The following GAPVD1 variants were observed in gnomAD, a reference collection of about 807,000 sequenced individuals.
GAPVD1 encodes GTPase activating protein and VPS9 domains 1.
A neutral mutation model predicts 155.5 loss-of-function variants in GAPVD1; 35 were observed. The ratio of observed to expected loss-of-function variants is 0.23; its 90% CI spans 0.17 to 0.30. The LOEUF (loss-of-function observed/expected upper bound fraction) is 0.30. Ranked by LOEUF, GAPVD1 falls within the 10% of genes least tolerant of loss-of-function variation. The probability of loss-of-function intolerance (pLI) is 1.00; values close to 1 mark genes in which losing one functional copy is unlikely to be tolerated. For missense variants in GAPVD1, 1,429 were observed against 1,775.7 expected (o/e 0.80, Z 3.51); for synonymous variants, 636 against 619.7 (o/e 1.03, Z -0.39).
chr9:125,337,353 C>G lies in GAPVD1; in HGVS notation c.2639C>G (p.Thr880Ser). Reference sequence around the variant, plus strand: ...CCAAACTTTGGTTCCCATGTTTTAACTCCAGCTGAAATGGAGGCATTCAAG... The same window carrying G: ...CCAAACTTTGGTTCCCATGTTTTAAGTCCAGCTGAAATGGAGGCATTCAAG... ...RLPNFGSHVLTPAEMEAFKQR... is the reference protein window; with the variant it reads ...RLPNFGSHVLSPAEMEAFKQR... The change falls in exon 17 of 28, where the codon ACT becomes AGT. Residue 880 changes from threonine to serine, a missense_variant. Physicochemically the swap from Thr to Ser is moderately conservative, Grantham distance 58. Coordinates refer to ENST00000297933, the MANE Select transcript of GAPVD1 (RefSeq NM_001282680.3). The G allele has an allele frequency of 1.2e-6, 2 of 1,614,184 alleles. No individual in the cohort carries two copies. The highest frequency in any genetic ancestry group is 1.7e-6 in the Non-Finnish European group (2 of 1,180,048).
chr9:125,311,509 T>C (rs1233929387), intron 8 of GAPVD1, among the ~76,000 whole-genome samples: 1 of 152,032 alleles, frequency 6.6e-6, no homozygotes, highest in Non-Finnish European at 1.5e-5. Context: ...TAATCCCAGC[T>C]ACTTGGGAGG....
chr9:125,269,740 C>T lies in GAPVD1; in HGVS notation c.-150+756C>T, dbSNP rs374658005. Among the ~76,000 whole-genome samples the T allele has an allele frequency of 6.0e-3, 585 of 96,994 alleles. 6 individuals are homozygous for T. The highest frequency in any genetic ancestry group is 0.025 in the African/African-American group (571 of 22,634). 63.6% of individuals were successfully genotyped at this position (96,994 alleles called of 152,430 possible). A position where few individuals can be genotyped will look rare whatever the true frequency, so the allele number is the denominator to read the frequency against. On this transcript the variant is annotated intron_variant, in intron 2 of 27. Transcript: ENST00000297933. The stretch of plus-strand genomic sequence containing the variant: ...TTTTTTTTTTTTTTTTTTTTGGAGG[C>T]AGAGTCTCACTCTGTTGCCCAGGCT...
intron 2 of GAPVD1, among the ~76,000 whole-genome samples, chr9:125,293,891 T>A (rs1304348942): frequency 5.4e-5 from 6 of 110,098 alleles, no homozygotes; most frequent in African/African-American, 2.1e-4. Flanking sequence ...TATATATATA[T>A]ATATATATAT....
chr9:125,293,845 ATATAT>A (rs1839157661), intron 2 of GAPVD1, among the ~76,000 whole-genome samples: 1 of 51,122 alleles, frequency 2.0e-5, no homozygotes, highest in South Asian at 6.4e-4. Context: ...ATATATAAAA[ATATAT>A]TTTATATATA....
chr9:125,334,640 C>T (rs1415894358), intron 15 of GAPVD1, among the ~76,000 whole-genome samples: 1 of 152,060 alleles, frequency 6.6e-6, no homozygotes, highest in African/African-American at 2.4e-5. Context: ...TGGCTCACAC[C>T]TGTGATCCCA....
intron 23 of GAPVD1, among the ~76,000 whole-genome samples, chr9:125,351,867 A>G (rs369304655): frequency 1.8e-4 from 28 of 152,072 alleles, no homozygotes; most frequent in East Asian, 1.5e-3. Context: ...CAGCCTCCCA[A>G]GTAGCTGGGA....
rs1291084840 is a variant in GAPVD1, at chr9:125,312,519, A to G, written c.1509A>G (p.Gln503=). The part of the protein sequence containing the change: ...DLHMDHEGSS[Q]ETIQEVQPEE... Reference sequence around the variant, plus strand: ...ATATGGACCATGAAGGATCATCTCAAGAAACCATTCAGGAGGTGCAACCAG... The same window carrying G: ...ATATGGACCATGAAGGATCATCTCAGGAAACCATTCAGGAGGTGCAACCAG... The change falls in exon 9 of 28, where the codon CAA becomes CAG. Residue 503 remains glutamine (Q), a synonymous_variant. Coordinates refer to ENST00000297933, the MANE Select transcript of GAPVD1 (RefSeq NM_001282680.3). 6.2e-7 allele frequency: 1 copy of G among 1,610,846 alleles called. No individual in the cohort carries two copies. The highest frequency in any genetic ancestry group is 1.3e-5 in the African/African-American group (1 of 74,802).
rs1353455633 is a variant in GAPVD1, at chr9:125,359,400, G to C, written c.3972-20G>C. 1 of 1,431,030 alleles carries C rather than the reference G, an allele frequency of 7.0e-7. No individual in the cohort carries two copies. Among genetic ancestry groups the C allele is most frequent in the Non-Finnish European group, 9.8e-7 (1 of 1,015,418 alleles). 88.6% of individuals were successfully genotyped at this position (1,431,030 alleles called of 1,614,324 possible). A position where few individuals can be genotyped will look rare whatever the true frequency, so the allele number is the denominator to read the frequency against. On this transcript the variant is annotated intron_variant, in intron 25 of 27. Transcript: ENST00000297933. ...TTTTCTGAAATGAATGTTTACATGTGTATTTTGGGGGGTTTTCAGGGTTCT... is the reference window on the plus strand; with the variant it reads ...TTTTCTGAAATGAATGTTTACATGTCTATTTTGGGGGGTTTTCAGGGTTCT...
chr9:125,316,150 A>G (rs1843390729), intron 9 of GAPVD1, among the ~76,000 whole-genome samples: 1 of 152,216 alleles, frequency 6.6e-6, no homozygotes, highest in South Asian at 2.1e-4. Flanking sequence ...GGTTAAGGGT[A>G]TATAATCTGA....
In GAPVD1 at chr9:125,311,734, T is replaced by C. The variant is rs2131228873; in HGVS notation, c.1442-718T>C. Among the ~76,000 whole-genome samples, 2 of 152,196 alleles carry C rather than the reference T, an allele frequency of 1.3e-5. 1 individual carries two copies. The highest frequency in any genetic ancestry group is 4.1e-4 in the South Asian group (2 of 4,826). On this transcript the variant is annotated intron_variant, in intron 8 of 27. Coordinates refer to ENST00000297933, the MANE Select transcript of GAPVD1 (RefSeq NM_001282680.3). Reference sequence around the variant, plus strand: ...TTTTCTTTATTGTTTCTTTTTTTTTTTTTGAGATGGAGTCTCACTCTGATG... The same window carrying C: ...TTTTCTTTATTGTTTCTTTTTTTTTCTTTGAGATGGAGTCTCACTCTGATG...
At chr9:125,312,189 T>C (rs537270741) in intron 8 of GAPVD1, among the ~76,000 whole-genome samples, 1 of 152,342 alleles carries the variant, frequency 6.6e-6, no homozygotes, top group African/African-American at 2.4e-5. Flanking sequence ...GCAGATGTGA[T>C]CATCTGTGTG....
intron 1 of GAPVD1, among the ~76,000 whole-genome samples, chr9:125,264,425 C>T (rs1307982625): frequency 1.3e-5 from 2 of 152,070 alleles, no homozygotes; most frequent in Non-Finnish European, 2.9e-5. Context: ...AAAGTCCTGA[C>T]CTCAGGTGAT....
intron 9 of GAPVD1, among the ~76,000 whole-genome samples, chr9:125,317,625 CAAAAAAAAAAA>C (rs1204830778): frequency 1.8e-5 from 1 of 55,980 alleles, no homozygotes; most frequent in East Asian, 4.0e-4. Flanking sequence ...AACTCTGTCT[CAAAAAAAAAAA>C]AAAAAAGAAA....
At position 125,362,967 on chromosome 9, in the gene GAPVD1, C is replaced by T; in HGVS notation, c.*221C>T. On this transcript the variant is annotated 3_prime_UTR_variant, in exon 28 of 28. Coordinates refer to ENST00000297933, the MANE Select transcript of GAPVD1 (RefSeq NM_001282680.3). ...TGAGTTGCATATTCTATTTTCTTGT[C>T]CCCAAGTAGAGACTAGTACTACAAA... is the stretch of plus-strand genomic sequence containing the variant. 3.2e-6 allele frequency: 1 copy of T among 308,076 alleles called. No individual in the cohort carries two copies. Among genetic ancestry groups the T allele is most frequent in the Non-Finnish European group, 6.0e-6 (1 of 167,572 alleles). 19.1% of individuals were successfully genotyped at this position (308,076 alleles called of 1,614,324 possible).
At chr9:125,349,920 A>G (rs529170926) in intron 21 of GAPVD1, among the ~76,000 whole-genome samples, 31 of 151,966 alleles carry the variant, frequency 2.0e-4, no homozygotes, top group African/African-American at 6.5e-4. Flanking sequence ...CAGCGTTTCT[A>G]AAGAGATGTG....
At chr9:125,301,922 A>T (rs1378702309) in intron 4 of GAPVD1, 61 bp from the exon 5 acceptor site, 1 of 1,233,710 alleles carries the variant, frequency 8.1e-7, no homozygotes. Context: ...GATATAGTAT[A>T]TGTGTTATTA....
intron 25 of GAPVD1, 87 bp from the exon 26 acceptor site, chr9:125,359,332 CA>C: frequency 1.3e-6 from 1 of 785,132 alleles, no homozygotes. Flanking sequence ...CAACATGTTT[CA>C]CGTGTTTTGT....
At chr9:125,352,568 G>C (rs1849460410) in intron 23 of GAPVD1, among the ~76,000 whole-genome samples, 1 of 152,218 alleles carries the variant, frequency 6.6e-6, no homozygotes, top group Admixed American at 6.5e-5. Context: ...GGGACCCTGG[G>C]CCTGGCCCAT....
Position 125,330,085 on chromosome 9 carries a change from A to G in GAPVD1, c.2040A>G (p.Ala680=), listed in dbSNP as rs947607422. The change falls in exon 13 of 28, where the codon GCA becomes GCG. Residue 680 remains alanine (A), a synonymous_variant. Coordinates refer to ENST00000297933, the MANE Select transcript of GAPVD1 (RefSeq NM_001282680.3). ...EDRLQEIAGA[A]AENMLGSLLC... ...TTCCCACTGGTTATACAGGTGCTGC[A>G]GCAGAGAACATGTTAGGCAGTTTGC... 1 of 1,608,732 alleles carries G rather than the reference A, an allele frequency of 6.2e-7. No individual in the cohort carries two copies. The highest frequency in any genetic ancestry group is 8.5e-7 in the Non-Finnish European group (1 of 1,177,738).
Sources: gnomAD v4.1 joint callset for allele counts (sites outside exome capture counted in the v4.1 genomes callset) on GRCh38, gnomAD v4.1.1 for gene constraint, MANE v1.5 for transcripts, NCBI Gene and HGNC (gene_info 2026-07-23, HGNC 2026-07-21) for gene names.